Variants in RAX observed in about 807,000 individuals in gnomAD.
RAX encodes the protein retinal homeobox protein Rx.
RAX carries 11 observed loss-of-function variants against 17.4 expected under a neutral mutation model. That is an observed-to-expected ratio of 0.63 (90% CI 0.40 to 1.05). The LOEUF (loss-of-function observed/expected upper bound fraction) is 1.05, where lower values mean the gene tolerates loss of function less well. Ranked by LOEUF, RAX falls within the 50% of genes least tolerant of loss-of-function variation. The pLI, the probability that RAX is intolerant of heterozygous loss-of-function variation, is 0.00. For synonymous variants in RAX, 276 were observed against 254.7 expected (o/e 1.08, Z -0.80); for missense variants, 527 against 501.1 (o/e 1.05, Z -0.49).
Position 59,273,180 on chromosome 18 carries a change from G to A in RAX, c.27C>T (p.Ala9=). The change falls in exon 1 of 3, where the codon GCC becomes GCT. Residue 9 remains alanine, a synonymous_variant. Coordinates refer to ENST00000334889, the MANE Select transcript of RAX (RefSeq NM_013435.3). ...CAAGCGAGAAGCTCCCGTCGGCCAT[G>A]GCTGGCGCGCAGCCCGGCAGGTGCA... The part of the protein sequence containing the change: MHLPGCAP[A]MADGSFSLAG... 1.3e-6 allele frequency: 2 copies of A among 1,531,178 alleles called. No individual in the cohort carries two copies. The highest frequency in any genetic ancestry group is 1.7e-6 in the Non-Finnish European group (2 of 1,144,676). The allele number at this position is 1,531,178 out of a possible 1,614,324, so 94.8% of individuals were successfully genotyped here. A position where few individuals can be genotyped will look rare whatever the true frequency, so the allele number is the denominator to read the frequency against.
Position 59,272,374 on chromosome 18 carries a change from T to G in RAX, c.530A>C (p.Glu177Ala). 6.2e-7 allele frequency: 1 copy of G among 1,614,218 alleles called. No individual in the cohort carries two copies. The highest frequency in any genetic ancestry group is 8.5e-7 in the Non-Finnish European group (1 of 1,180,044). Residue 177 changes from glutamate (E) to alanine (A), a missense_variant, in exon 2 of 3, where the codon GAG becomes GCG. Transcript: ENST00000334889. ...TGGGCGCTTTACCTGGACCCGGACC[T>G]CTGGTAGGTTGACCTTGCCGGCCAG... Reference protein sequence around the residue: ...EELAGKVNLPEVRVQVWFQNR... With the variant: ...EELAGKVNLPAVRVQVWFQNR...
Position 59,272,470 on chromosome 18 carries a change from G to A in RAX, c.434C>T (p.Thr145Met). The A allele has an allele frequency of 6.2e-7, 1 of 1,614,240 alleles. No individual in the cohort carries two copies. Among genetic ancestry groups the A allele is most frequent in the Non-Finnish European group, 8.5e-7 (1 of 1,180,044 alleles). ...GCGCTCCAGCTCATGCAGCTGGTAC[G>A]TGGTGAAAGTCGTGCGGTTCCGCCG... Reference protein sequence around the residue: ...KHRRNRTTFTTYQLHELERAF... With the variant: ...KHRRNRTTFTMYQLHELERAF... The change falls in exon 2 of 3, where the codon ACG (threonine) becomes ATG (methionine). Residue 145 changes from threonine (T) to methionine (M), a missense_variant. Physicochemically the swap from Thr to Met is moderately conservative, Grantham distance 81. Coordinates refer to ENST00000334889, the MANE Select transcript of RAX (RefSeq NM_013435.3).
rs561828697 is a variant in RAX, at chr18:59,268,333, C to A, written c.*671G>T. On this transcript the variant is annotated 3_prime_UTR_variant, in exon 3 of 3. Transcript: ENST00000334889. The surrounding 1 kb of genome is among the most constrained non-coding windows in gnomAD (Gnocchi z 4.4). Reference sequence around the variant, plus strand: ...CAGGGAAGGGCGCCTCTGGTCTAGGCCGCCGAAGCGTTCGGAATGGGGACG... The same window carrying A: ...CAGGGAAGGGCGCCTCTGGTCTAGGACGCCGAAGCGTTCGGAATGGGGACG... 2.2e-4 allele frequency: 33 copies of A among 152,538 alleles called. 3 individuals carry two copies. In the South Asian group the frequency reaches 6.4e-3, roughly 30 times the overall value. The allele number at this position is 152,538 out of a possible 1,614,324, so 9.4% of individuals were successfully genotyped here.
At chr18:59,272,832 A>C (rs866885705) in intron 1 of RAX, 86 bp downstream of exon 1, 1 of 1,467,992 alleles carries the variant, frequency 6.8e-7, no homozygotes, top group South Asian at 1.4e-5. Context: ...TGCCTTAATA[A>C]AAGTTAAGGA....
chr18:59,270,216 T>C (rs529511766), intron 2 of RAX, among the ~76,000 whole-genome samples: 1 of 152,356 alleles, frequency 6.6e-6, no homozygotes, highest in African/African-American at 2.4e-5. Context: ...CCAACCATAT[T>C]TGAATTGCTG....
At chr18:59,271,171 A>C (rs1429297794) in intron 2 of RAX, among the ~76,000 whole-genome samples, 1 of 152,226 alleles carries the variant, frequency 6.6e-6, no homozygotes, top group African/African-American at 2.4e-5. Context: ...CACAACTTAG[A>C]GGAGAAGCCA....
chr18:59,269,301 C>A lies in RAX; in HGVS notation c.744G>T (p.Pro248=), dbSNP rs1603388813. 2 of 1,285,200 alleles carry A rather than the reference C, an allele frequency of 1.6e-6. No homozygotes were observed. Among genetic ancestry groups the A allele is most frequent in the Non-Finnish European group, 2.0e-6 (2 of 1,022,232 alleles). 79.6% of individuals were successfully genotyped at this position (1,285,200 alleles called of 1,614,324 possible). A position where few individuals can be genotyped will look rare whatever the true frequency, so the allele number is the denominator to read the frequency against. Residue 248 remains proline (P), a synonymous_variant, in exon 3 of 3, where the codon CCG becomes CCT. Coordinates refer to ENST00000334889, the MANE Select transcript of RAX (RefSeq NM_013435.3). ...GCGCCGTGGCGCCCCCGCCCGGCAG[C>A]GGCGGCCCGAGCCAGGACTCCAGCG... ...ALPLESWLGP[P]LPGGGATALQ...
Position 59,272,931 on chromosome 18 carries a change from G to A in RAX, c.276C>T (p.Ala92=). ...GTGCGCACTCACCTTCGTACTCGGG[G>A]GCGGGCGCCGGGGCTGGCGGCGGGG... ...EPSPPPAPAP[A]PEYEAPRPYC... is the part of the protein sequence containing the mutation. Residue 92 remains alanine (A), a synonymous_variant, in exon 1 of 3, where the codon GCC becomes GCT. Coordinates refer to ENST00000334889, the MANE Select transcript of RAX (RefSeq NM_013435.3). 1.4e-6 allele frequency: 2 copies of A among 1,468,000 alleles called. No individual in the cohort carries two copies. The highest frequency in any genetic ancestry group is 1.8e-6 in the Non-Finnish European group (2 of 1,127,674). The allele number at this position is 1,468,000 out of a possible 1,614,324, so 90.9% of individuals were successfully genotyped here.
rs967068184 is a variant in RAX, at chr18:59,272,567, G to T, written c.337C>A (p.Pro113Thr). The T allele has an allele frequency of 6.2e-7, 1 of 1,613,932 alleles. No homozygotes were observed. Among genetic ancestry groups the T allele is most frequent in the East Asian group, 2.2e-5 (1 of 44,858 alleles). Residue 113 changes from proline (P) to threonine (T), a missense_variant, in exon 2 of 3, where the codon CCA becomes ACA. Transcript: ENST00000334889. ...GTGGCTGGCCCGACGGGCAGCCCTGGGCTCGGCCGTGCCTCCCCGGGCTCC... is the reference window on the plus strand; with the variant it reads ...GTGGCTGGCCCGACGGGCAGCCCTGTGCTCGGCCGTGCCTCCCCGGGCTCC... ...PKEPGEARPS[P>T]GLPVGPATGE...
At chr18:59,270,711 C>T (rs2070331440) in intron 2 of RAX, among the ~76,000 whole-genome samples, 2 of 152,162 alleles carry the variant, frequency 1.3e-5, no homozygotes, top group South Asian at 4.1e-4. Context: ...AGCACCCAAG[C>T]ACCGCAGGGC....
chr18:59,269,597 C>A (rs1168786372), intron 2 of RAX, 96 bp from the exon 3 acceptor site: 2 of 1,396,930 alleles, frequency 1.4e-6, no homozygotes, highest in African/African-American at 2.9e-5. Flanking sequence ...TCCACTCCGT[C>A]CCCCTCAAAT....
chr18:59,270,194 G>T lies in RAX; in HGVS notation c.544-693C>A, dbSNP rs568681405. ...TGATAACTAGATAGGAGCAAGTGGGGTTTATTTTGCCCCAACCATATTTGA... is the reference window on the plus strand; with the variant it reads ...TGATAACTAGATAGGAGCAAGTGGGTTTTATTTTGCCCCAACCATATTTGA... On this transcript the variant is annotated intron_variant, in intron 2 of 2. Coordinates refer to ENST00000334889, the MANE Select transcript of RAX (RefSeq NM_013435.3). Among the ~76,000 whole-genome samples, 5 of 152,246 alleles carry T rather than the reference G, an allele frequency of 3.3e-5. No homozygotes were observed. The South Asian group carries it at 1.0e-3, about 32-fold the overall frequency.
Position 59,273,325 on chromosome 18 carries a change from G to C in RAX, c.-119C>G. The C allele has an allele frequency of 8.9e-7, 1 of 1,119,324 alleles. No individual in the cohort carries two copies. The highest frequency in any genetic ancestry group is 1.2e-6 in the Non-Finnish European group (1 of 827,198). The allele number at this position is 1,119,324 out of a possible 1,614,324, so 69.3% of individuals were successfully genotyped here. ...CCCGACCCTAGGTCAAGCTCCGCGGGCGAAGCCCGCCCGGGCTGCGCACGC... is the reference window on the plus strand; with the variant it reads ...CCCGACCCTAGGTCAAGCTCCGCGGCCGAAGCCCGCCCGGGCTGCGCACGC... On this transcript the variant is annotated 5_prime_UTR_variant, in exon 1 of 3. Coordinates refer to ENST00000334889, the MANE Select transcript of RAX (RefSeq NM_013435.3).
At position 59,272,467 on chromosome 18, in the gene RAX, T is replaced by A; in HGVS notation, c.437A>T (p.Tyr146Phe). The change falls in exon 2 of 3, where the codon TAC becomes TTC. Residue 146 changes from tyrosine (Y) to phenylalanine (F), a missense_variant. Physicochemically the swap from Tyr to Phe is conservative, Grantham distance 22. Transcript: ENST00000334889. The part of the protein sequence containing the change: ...HRRNRTTFTT[Y>F]QLHELERAFE... ...CGCGCGCTCCAGCTCATGCAGCTGG[T>A]ACGTGGTGAAAGTCGTGCGGTTCCG... is the stretch of plus-strand genomic sequence containing the variant. The A allele has an allele frequency of 6.2e-7, 1 of 1,614,244 alleles. No homozygotes were observed. Among genetic ancestry groups the A allele is most frequent in the Non-Finnish European group, 8.5e-7 (1 of 1,180,044 alleles).
chr18:59,272,322 GC>G, intron 2 of RAX, 38 bp downstream of exon 2: 1 of 1,613,974 alleles, frequency 6.2e-7, no homozygotes, highest in East Asian at 2.2e-5. Context: ...TGGGCCTCGG[GC>G]CCTCCCAGAT....
chr18:59,272,481 C>T lies in RAX; in HGVS notation c.423G>A (p.Thr141=). ...QPKKKHRRNR[T]TFTTYQLHEL... Reference sequence around the variant, plus strand: ...CATGCAGCTGGTACGTGGTGAAAGTCGTGCGGTTCCGCCGATGCTTTTTCT... The same window carrying T: ...CATGCAGCTGGTACGTGGTGAAAGTTGTGCGGTTCCGCCGATGCTTTTTCT... Residue 141 remains threonine, a synonymous_variant, in exon 2 of 3, where the codon ACG becomes ACA. Coordinates refer to ENST00000334889, the MANE Select transcript of RAX (RefSeq NM_013435.3). The T allele has an allele frequency of 6.2e-7, 1 of 1,614,254 alleles. No homozygotes were observed. Among genetic ancestry groups the T allele is most frequent in the Middle Eastern group, 1.6e-4 (1 of 6,062 alleles).
rs147759267 is a variant in RAX at position 59,268,710 on chromosome 18, G to A, written c.*294C>T. 619 of 546,774 alleles carry A rather than the reference G, an allele frequency of 1.1e-3. 8 individuals are homozygous for A. The East Asian group carries it at 0.019, about 17-fold the overall frequency. The allele number at this position is 546,774 out of a possible 1,614,324, so 33.9% of individuals were successfully genotyped here. On this transcript the variant is annotated 3_prime_UTR_variant, in exon 3 of 3. Transcript: ENST00000334889. The surrounding 1 kb of genome is among the most constrained non-coding windows in gnomAD (Gnocchi z 4.4). ...TTTGGGCCTGGAGGCTCCAGCGCCT[G>A]CGGTGATGGGAGCGGCGTGGCCAGC...
rs1406489586 is a variant in RAX at position 59,273,189 on chromosome 18, G to T, written c.18C>A (p.Cys6Ter). ...AGCTCCCGTCGGCCATGGCTGGCGC[G>T]CAGCCCGGCAGGTGCATGGGGAGCG... MHLPG[C>*]APAMADGSFS... The change falls in exon 1 of 3, where the codon TGC (cysteine) becomes TGA (stop). Residue 6 changes from cysteine to a stop codon, truncating the protein, a stop_gained. Transcript: ENST00000334889. LOFTEE classifies it high-confidence loss of function. The T allele has an allele frequency of 1.3e-6, 2 of 1,530,526 alleles. No homozygotes were observed. The highest frequency in any genetic ancestry group is 1.2e-5 in the South Asian group (1 of 83,350). 94.8% of individuals were successfully genotyped at this position (1,530,526 alleles called of 1,614,324 possible). A position where few individuals can be genotyped will look rare whatever the true frequency, so the allele number is the denominator to read the frequency against.
chr18:59,268,884 G>A lies in RAX; in HGVS notation c.*120C>T. 1 of 1,509,094 alleles carries A rather than the reference G, an allele frequency of 6.6e-7. No homozygotes were observed. The highest frequency in any genetic ancestry group is 9.0e-7 in the Non-Finnish European group (1 of 1,105,708). The allele number at this position is 1,509,094 out of a possible 1,614,324, so 93.5% of individuals were successfully genotyped here. ...CGTGGCCCTGAACTATGCTTGGCGG[G>A]TGGCTGCAGGCGACAGGGAAAGAGG... On this transcript the variant is annotated 3_prime_UTR_variant, in exon 3 of 3. Transcript: ENST00000334889. The surrounding 1 kb of genome is among the most constrained non-coding windows in gnomAD (Gnocchi z 4.4).
Sources: gnomAD v4.1 joint callset for allele counts (sites outside exome capture counted in the v4.1 genomes callset) on GRCh38, gnomAD v4.1.1 for gene constraint, Gnocchi (gnomAD v3.1) non-coding constraint, MANE v1.5 for transcripts, NCBI Gene and HGNC (gene_info 2026-07-23, HGNC 2026-07-21) for gene names.